The following ZNF354A variants were observed in gnomAD, a reference collection of about 807,000 sequenced individuals.
ZNF354A encodes the protein epididymis luminal protein 104.
Under a neutral mutation model 53.3 loss-of-function variants are expected in ZNF354A, and 25 were observed. The observed-to-expected ratio is 0.47, with a 90% CI of 0.34 to 0.66. ZNF354A has a LOEUF of 0.66. Among genes scored for constraint, ZNF354A ranks in the 30% least tolerant of loss-of-function variants. ZNF354A has a pLI of 0.01. For synonymous variants in ZNF354A, 228 were observed against 249.0 expected (o/e 0.92, Z 0.79); for missense variants, 586 against 716.8 (o/e 0.82, Z 2.08).
chr5:178,717,218 C>T (rs1765733467), intron 4 of ZNF354A, among the ~76,000 whole-genome samples: 1 of 151,810 alleles, frequency 6.6e-6, no homozygotes, highest in Non-Finnish European at 1.5e-5. Flanking sequence ...ATTATGTGTT[C>T]ATTTGAGTTG....
intron 4 of ZNF354A, among the ~76,000 whole-genome samples, chr5:178,718,653 C>G (rs1581744513): frequency 6.6e-6 from 1 of 152,088 alleles, no homozygotes; most frequent in Non-Finnish European, 1.5e-5. Context: ...AAAATGACAC[C>G]ATCATCTCTT....
In ZNF354A at chr5:178,712,011, T is replaced by G. The variant is rs750117313; in HGVS notation, c.*49A>C. ...TTATTACATCTCTCTCAAGGATGTATTCTTCGATGAGCTTTGGTTTAAGGC... is the reference window on the plus strand; with the variant it reads ...TTATTACATCTCTCTCAAGGATGTAGTCTTCGATGAGCTTTGGTTTAAGGC... On this transcript the variant is annotated 3_prime_UTR_variant, in exon 5 of 5. Transcript: ENST00000335815. 3 of 1,520,868 alleles carry G rather than the reference T, an allele frequency of 2.0e-6. No homozygotes were observed. The highest frequency in any genetic ancestry group is 2.6e-6 in the Non-Finnish European group (3 of 1,138,450). The allele number at this position is 1,520,868 out of a possible 1,614,324, so 94.2% of individuals were successfully genotyped here.
chr5:178,726,939 AAGG>A (rs1765919964), intron 3 of ZNF354A, 57 bp downstream of exon 3: 2 of 1,556,758 alleles, frequency 1.3e-6, no homozygotes, highest in Non-Finnish European at 1.7e-6. Context: ...TTATTCAGGG[AAGG>A]AGGTGCTGAG....
chr5:178,729,964 C>G (rs1388820969), intron 1 of ZNF354A, among the ~76,000 whole-genome samples: 1 of 150,428 alleles, frequency 6.6e-6, no homozygotes, highest in East Asian at 2.0e-4. Flanking sequence ...CCTGGGTTCA[C>G]GCCATTCTCC....
chr5:178,721,858 C>T (rs752585695), intron 4 of ZNF354A, among the ~76,000 whole-genome samples: 17 of 152,196 alleles, frequency 1.1e-4, no homozygotes, highest in Non-Finnish European at 1.6e-4. Flanking sequence ...TTCTTCCCTC[C>T]GACCTGGTCA....
Position 178,726,083 on chromosome 5 carries a change from C to A in ZNF354A, c.161-612G>T. On this transcript the variant is annotated intron_variant, in intron 3 of 4. Coordinates refer to ENST00000335815, the MANE Select transcript of ZNF354A (RefSeq NM_005649.3). ...GGTCTTGATCTTCTGACCTTGTGAT[C>A]TGCCCGCCTCGGCCTCCCAAAGTGC... The A allele has an allele frequency of 4.6e-6, 2 of 435,346 alleles. 1 individual carries two copies. Among genetic ancestry groups the A allele is most frequent in the Non-Finnish European group, 9.4e-6 (2 of 212,588 alleles). 27.0% of individuals were successfully genotyped at this position (435,346 alleles called of 1,614,324 possible).
Position 178,711,924 on chromosome 5 carries a change from T to C in ZNF354A, c.*136A>G, listed in dbSNP as rs1765625040. The C allele has an allele frequency of 8.5e-6, 9 of 1,055,402 alleles. No homozygotes were observed. Among genetic ancestry groups the C allele is most frequent in the Non-Finnish European group, 1.2e-5 (9 of 754,804 alleles). The allele number at this position is 1,055,402 out of a possible 1,614,324, so 65.4% of individuals were successfully genotyped here. ...ATATCTATTATATAGCTGAGGTTTA[T>C]CCATGGAATTAAATACCTAATGAGG... On this transcript the variant is annotated 3_prime_UTR_variant, in exon 5 of 5. Transcript: ENST00000335815.
At chr5:178,720,458 T>A (rs1026301688) in intron 4 of ZNF354A, among the ~76,000 whole-genome samples, 27 of 152,086 alleles carry the variant, frequency 1.8e-4, no homozygotes, top group Admixed American at 1.7e-3. Flanking sequence ...GAAGGAAAGA[T>A]GATGTGAAGA....
chr5:178,718,265 C>T (rs1213429125), intron 4 of ZNF354A, among the ~76,000 whole-genome samples: 1 of 152,194 alleles, frequency 6.6e-6, no homozygotes, highest in Non-Finnish European at 1.5e-5. Flanking sequence ...AGGTGCAGTT[C>T]AACCTTTGCT....
rs1132324 is a variant in ZNF354A at position 178,730,622 on chromosome 5, A to G, written c.-118T>C. ...CGAGGCTCCGGAACCGCCGGCCGGG[A>G]TGCAGCCTCGCGACCCGGCTCCGCC... On this transcript the variant is annotated 5_prime_UTR_variant, in exon 1 of 5. Coordinates refer to ENST00000335815, the MANE Select transcript of ZNF354A (RefSeq NM_005649.3). 1.3e-5 allele frequency: 2 copies of G among 151,764 alleles called. No homozygotes were observed. The highest frequency in any genetic ancestry group is 1.9e-4 in the East Asian group (1 of 5,130). 9.4% of individuals were successfully genotyped at this position (151,764 alleles called of 1,614,324 possible).
At chr5:178,722,677 A>C (rs965105529) in intron 4 of ZNF354A, among the ~76,000 whole-genome samples, 8 of 152,320 alleles carry the variant, frequency 5.3e-5, no homozygotes, top group South Asian at 4.1e-4. Context: ...AACTGGACGC[A>C]TACCCTGGCC....
intron 4 of ZNF354A, among the ~76,000 whole-genome samples, chr5:178,718,506 C>A (rs1231648509): frequency 6.6e-6 from 1 of 152,236 alleles, no homozygotes; most frequent in Non-Finnish European, 1.5e-5. Flanking sequence ...TACGACTATC[C>A]TGAAAAATAC....
At chr5:178,725,529 A>G in intron 3 of ZNF354A, 58 bp from the exon 4 acceptor site, 2 of 1,538,922 alleles carry the variant, frequency 1.3e-6, no homozygotes, top group South Asian at 1.1e-5. Context: ...GTATTGATAC[A>G]GTTATCCCAA....
At chr5:178,714,030 A>G (rs1187013217) in intron 4 of ZNF354A, among the ~76,000 whole-genome samples, 1 of 149,378 alleles carries the variant, frequency 6.7e-6, no homozygotes, top group East Asian at 2.0e-4. Flanking sequence ...TTTTTTTGAG[A>G]CAGTCTCACT....
At chr5:178,727,176 A>AG (rs1370169396) in intron 2 of ZNF354A, 51 bp from the exon 3 acceptor site, 1 of 1,525,910 alleles carries the variant, frequency 6.6e-7, no homozygotes, top group Non-Finnish European at 8.8e-7. Context: ...CACAGAGCAG[A>AG]GGGGGCGGCA....
intron 4 of ZNF354A, among the ~76,000 whole-genome samples, chr5:178,720,527 C>T (rs950514898): frequency 1.3e-5 from 2 of 152,136 alleles, no homozygotes; most frequent in Non-Finnish European, 2.9e-5. Flanking sequence ...AGCTGCAGGC[C>T]ACGGAGATCT....
Position 178,729,016 on chromosome 5 carries a change from C to CA in ZNF354A, c.6dup (p.Ala3CysfsTer15), listed in dbSNP as rs1311157228. On this transcript the variant is annotated frameshift_variant, in exon 2 of 5. Coordinates refer to ENST00000335815, the MANE Select transcript of ZNF354A (RefSeq NM_005649.3). LOFTEE classifies it high-confidence loss of function. Reference sequence around the variant, plus strand: ...TGGGGCCTCGCTTCCCGCTGCCCAGCAGCCATGTCCTCTTTCTGGCTCTCC... The same window carrying CA: ...TGGGGCCTCGCTTCCCGCTGCCCAGCAAGCCATGTCCTCTTTCTGGCTCTCC... The CA allele has an allele frequency of 7.3e-7, 1 of 1,374,128 alleles. No individual in the cohort carries two copies. The highest frequency in any genetic ancestry group is 1.0e-6 in the Non-Finnish European group (1 of 990,140). The allele number at this position is 1,374,128 out of a possible 1,614,324, so 85.1% of individuals were successfully genotyped here. A position where few individuals can be genotyped will look rare whatever the true frequency, so the allele number is the denominator to read the frequency against.
At chr5:178,720,547 C>T (rs927830777) in intron 4 of ZNF354A, among the ~76,000 whole-genome samples, 1 of 152,140 alleles carries the variant, frequency 6.6e-6, no homozygotes, top group Non-Finnish European at 1.5e-5. Context: ...TCCAAGTTGG[C>T]CATCGCTACA....
rs1301928877 is a variant in ZNF354A, at chr5:178,723,176, C to T, written c.256+2200G>A. 4.6e-5 allele frequency among the ~76,000 whole-genome samples: 7 copies of T among 152,250 alleles called. No individual in the cohort carries two copies. In the East Asian group the frequency reaches 1.3e-3, roughly 29 times the overall value. On this transcript the variant is annotated intron_variant, in intron 4 of 4. Coordinates refer to ENST00000335815, the MANE Select transcript of ZNF354A (RefSeq NM_005649.3). The stretch of plus-strand genomic sequence containing the variant: ...AAGTGTGGTTCCCATATAAAAAAAT[C>T]TCACCTTTCTTCAGGGAGGAGAAAG...
Sources: allele counts gnomAD v4.1 joint callset (sites outside exome capture counted in the v4.1 genomes callset), GRCh38; gene constraint gnomAD v4.1.1; transcripts MANE v1.5; gene names NCBI Gene and HGNC (gene_info 2026-07-23, HGNC 2026-07-21).